Variants in FSTL5 observed in about 807,000 individuals in gnomAD.
FSTL5 encodes follistatin-related protein 5.
A neutral mutation model predicts 89.1 loss-of-function variants in FSTL5; 62 were observed. That is an observed-to-expected ratio of 0.70 (90% confidence interval 0.57 to 0.86). The LOEUF (loss-of-function observed/expected upper bound fraction) is 0.86. Ranked by LOEUF, FSTL5 falls within the 40% of genes least tolerant of loss-of-function variation. The pLI, the probability that FSTL5 is intolerant of heterozygous loss-of-function variation, is 0.00. For synonymous variants in FSTL5, 383 were observed against 346.2 expected (o/e 1.11, Z -1.18); for missense variants, 1,057 against 1,001.6 (o/e 1.06, Z -0.75).
intron 7 of FSTL5, among the ~76,000 whole-genome samples, chr4:161,647,126 A>C (rs1187090562): frequency 1.3e-5 from 2 of 152,208 alleles, no homozygotes; most frequent in Non-Finnish European, 2.9e-5. Context: ...GGAATTTTAC[A>C]GTGACAGGTC....
At chr4:161,406,415 C>T (rs10007971) in intron 15 of FSTL5, among the ~76,000 whole-genome samples, 16,581 of 152,122 alleles carry the variant, frequency 0.11, 897 homozygotes, top group Non-Finnish European at 0.12. Flanking sequence ...TTTATCGAGA[C>T]TTGCTCTGTA....
At chr4:161,397,910 A>C (rs545538718) in intron 15 of FSTL5, among the ~76,000 whole-genome samples, 7 of 152,162 alleles carry the variant, frequency 4.6e-5, no homozygotes, top group African/African-American at 1.2e-4. Context: ...GAAGATTCAC[A>C]ATCTTATAAA....
intron 2 of FSTL5, among the ~76,000 whole-genome samples, chr4:162,108,650 GAAT>G (rs918685577): frequency 2.0e-4 from 30 of 151,644 alleles, no homozygotes; most frequent in Non-Finnish European, 3.7e-4. Flanking sequence ...TAAAAATAAT[GAAT>G]AAGAGAAAAT....
At chr4:161,551,993 A>G (rs908064476) in intron 8 of FSTL5, among the ~76,000 whole-genome samples, 2 of 152,020 alleles carry the variant, frequency 1.3e-5, no homozygotes, top group Non-Finnish European at 2.9e-5. Flanking sequence ...AATGGGGTCT[A>G]ATTAAACTAA....
At chr4:161,664,894 T>C (rs972388652) in intron 6 of FSTL5, 1 of 190,138 alleles carries the variant, frequency 5.3e-6, no homozygotes, top group African/African-American at 2.4e-5. Flanking sequence ...CAAGAGAAAA[T>C]GAGGAAGAAG....
chr4:162,122,008 A>G (rs1731882146), intron 1 of FSTL5, among the ~76,000 whole-genome samples: 1 of 152,036 alleles, frequency 6.6e-6, no homozygotes, highest in Admixed American at 6.6e-5. Flanking sequence ...CATAACATAC[A>G]AAGTACCTGC....
intron 12 of FSTL5, among the ~76,000 whole-genome samples, chr4:161,496,794 A>AGATAGAGAT (rs1730094406): frequency 1.4e-5 from 2 of 140,286 alleles, no homozygotes. Context: ...AAAAAGATAG[A>AGATAGAGAT]GATAGAGATA....
At chr4:161,965,166 G>C (rs181590215) in intron 3 of FSTL5, among the ~76,000 whole-genome samples, 3 of 152,134 alleles carry the variant, frequency 2.0e-5, no homozygotes, top group Admixed American at 6.6e-5. Context: ...TATCTCCAAT[G>C]TTTGACCTAA....
chr4:161,727,949 C>T (rs1057449734), intron 6 of FSTL5, among the ~76,000 whole-genome samples: 1 of 152,150 alleles, frequency 6.6e-6, no homozygotes, highest in Non-Finnish European at 1.5e-5. Context: ...CACCATTGCA[C>T]TCCAGCCCTG....
chr4:161,930,881 C>T (rs975262678), intron 3 of FSTL5, among the ~76,000 whole-genome samples: 6 of 151,690 alleles, frequency 4.0e-5, no homozygotes, highest in African/African-American at 1.2e-4. Context: ...ATTCCTTTCC[C>T]GGAGCAAAAG....
At chr4:161,940,432 G>A (rs1018255945) in intron 3 of FSTL5, among the ~76,000 whole-genome samples, 2 of 151,450 alleles carry the variant, frequency 1.3e-5, no homozygotes, top group African/African-American at 2.4e-5. Context: ...CACATCCAAT[G>A]AACGTTCTGA....
At chr4:162,008,655 T>C (rs546898762) in intron 3 of FSTL5, among the ~76,000 whole-genome samples, 103 of 152,026 alleles carry the variant, frequency 6.8e-4, no homozygotes, top group African/African-American at 2.4e-3. Flanking sequence ...ACCTAGAGTT[T>C]TTATCTGTGT....
chr4:161,848,036 C>CAAAAAAAAAAAAAAAAAAAAA (rs139315536), intron 4 of FSTL5, among the ~76,000 whole-genome samples: 1 of 48,220 alleles, frequency 2.1e-5, no homozygotes. Context: ...GACTCCGTCT[C>CAAAAAAAAAAAAAAAAAAAAA]AAAAAAAAAA....
At chr4:161,598,888 A>T (rs977287870) in intron 7 of FSTL5, among the ~76,000 whole-genome samples, 1 of 152,154 alleles carries the variant, frequency 6.6e-6, no homozygotes, top group Non-Finnish European at 1.5e-5. Flanking sequence ...TTTTCATATA[A>T]AATGTTAAGA....
At chr4:162,127,589 T>C (rs1476430054) in intron 1 of FSTL5, among the ~76,000 whole-genome samples, 5 of 152,228 alleles carry the variant, frequency 3.3e-5, no homozygotes, top group South Asian at 2.1e-4. Context: ...ACTTAGATGA[T>C]AGGATTTTCA....
chr4:161,614,424 T>C (rs1280532105), intron 7 of FSTL5, among the ~76,000 whole-genome samples: 3 of 152,208 alleles, frequency 2.0e-5, no homozygotes, highest in South Asian at 4.1e-4. Flanking sequence ...TCTTCTAATA[T>C]ACTGCCTGTC....
intron 3 of FSTL5, among the ~76,000 whole-genome samples, chr4:161,929,167 C>G (rs1578868607): frequency 6.6e-6 from 1 of 150,714 alleles, no homozygotes; most frequent in African/African-American, 2.4e-5. Context: ...CTTTCTTTCT[C>G]TTTTTTAAAT....
intron 15 of FSTL5, among the ~76,000 whole-genome samples, chr4:161,435,242 A>T (rs1560893595): frequency 1.4e-5 from 2 of 147,378 alleles, no homozygotes; most frequent in South Asian, 2.1e-4. Context: ...AATCAGTTAT[A>T]AAAAAAATGA....
intron 15 of FSTL5, among the ~76,000 whole-genome samples, chr4:161,420,457 G>T (rs1376137114): frequency 6.6e-6 from 1 of 152,046 alleles, no homozygotes; most frequent in Non-Finnish European, 1.5e-5. Flanking sequence ...TAAAGAGAGG[G>T]TTGTTTTCTT....
Sources: allele counts gnomAD v4.1 joint callset (sites outside exome capture counted in the v4.1 genomes callset), GRCh38; gene constraint gnomAD v4.1.1; transcripts MANE v1.5; gene names NCBI Gene and HGNC (gene_info 2026-07-23, HGNC 2026-07-21).